The following EPHA6 variants were observed in gnomAD, a reference collection of about 807,000 sequenced individuals.
EPHA6 encodes EPH receptor A6.
EPHA6 carries 50 observed loss-of-function variants against 112.0 expected under a neutral mutation model. The observed-to-expected ratio is 0.45, with a 90% CI of 0.36 to 0.56. EPHA6 has a LOEUF of 0.56. Among genes scored for constraint, EPHA6 ranks in the 20% least tolerant of loss-of-function variants. EPHA6 has a pLI of 0.00. For synonymous variants in EPHA6, 529 were observed against 490.7 expected, an observed-to-expected ratio of 1.08 and a Z score of -1.03; for missense variants, 1,280 against 1,417.4, an observed-to-expected ratio of 0.90 and a Z score of 1.56.
Position 96,912,263 on chromosome 3 carries a change from C to A in EPHA6, c.450+45374C>A, listed in dbSNP as rs374045144. 2.6e-5 allele frequency among the ~76,000 whole-genome samples: 4 copies of A among 152,086 alleles called. No homozygotes were observed. In the East Asian group the frequency reaches 5.8e-4, roughly 22 times the overall value. ...AATGTGGTCGAATTTCAGTAGCCAA[C>A]GTAGAAAGTCCTGTCATGTTGAAGT... On this transcript the variant is annotated intron_variant, in intron 2 of 17. Coordinates refer to ENST00000389672, the MANE Select transcript of EPHA6 (RefSeq NM_001080448.3).
At chr3:97,726,983 C>T (rs1486455) in intron 15 of EPHA6, among the ~76,000 whole-genome samples, 152,037 of 152,178 alleles carry the variant, frequency 1, 75,949 homozygotes, top group East Asian at 1. Context: ...GGTTTTGTTT[C>T]GTTTTGTTTC....
intron 5 of EPHA6, among the ~76,000 whole-genome samples, chr3:97,359,106 G>A (rs1343961197): frequency 1.3e-5 from 2 of 150,814 alleles, no homozygotes; most frequent in South Asian, 4.2e-4. Flanking sequence ...ATCAAATTTG[G>A]GAGGTTTTCA....
chr3:97,409,095 C>A (rs1204873920), intron 6 of EPHA6, among the ~76,000 whole-genome samples: 3 of 152,046 alleles, frequency 2.0e-5, no homozygotes, highest in Non-Finnish European at 2.9e-5. Flanking sequence ...TGTAAAATTA[C>A]CTCTAACAAG....
chr3:97,059,906 A>C (rs753485303), intron 3 of EPHA6, among the ~76,000 whole-genome samples: 4 of 151,968 alleles, frequency 2.6e-5, no homozygotes, highest in Non-Finnish European at 5.9e-5. Context: ...GCGGATCATG[A>C]GGTCAGGAGT....
intron 7 of EPHA6, among the ~76,000 whole-genome samples, chr3:97,455,660 A>C (rs528622359): frequency 3.3e-5 from 5 of 152,144 alleles, no homozygotes; most frequent in African/African-American, 4.8e-5. Context: ...ATCTCAGTGC[A>C]TCAAGTTCAC....
intron 1 of EPHA6, among the ~76,000 whole-genome samples, chr3:96,859,983 A>G (rs1358799364): frequency 6.6e-6 from 1 of 152,158 alleles, no homozygotes; most frequent in Non-Finnish European, 1.5e-5. Context: ...GAGTTGACAC[A>G]AAAATCCTAG....
At chr3:97,466,992 T>C (rs1440123602) in intron 7 of EPHA6, among the ~76,000 whole-genome samples, 1 of 152,032 alleles carries the variant, frequency 6.6e-6, no homozygotes. Flanking sequence ...ATAATCTTCC[T>C]ACGATTTTTT....
rs1468141390 is a variant in EPHA6, at chr3:96,848,348, A to T, written c.386-18477A>T. Among the ~76,000 whole-genome samples, 3 of 152,178 alleles carry T rather than the reference A, an allele frequency of 2.0e-5. No individual in the cohort carries two copies. In the East Asian group the frequency reaches 5.8e-4, roughly 30 times the overall value. ...GTGAAAATTATTAGTTACCAAATCA[A>T]TTGTTATAAAAATATTTACTGTAAT... On this transcript the variant is annotated intron_variant, in intron 1 of 17. Coordinates refer to ENST00000389672, the MANE Select transcript of EPHA6 (RefSeq NM_001080448.3).
chr3:97,406,231 G>A (rs904830958), intron 6 of EPHA6, among the ~76,000 whole-genome samples: 4 of 152,132 alleles, frequency 2.6e-5, no homozygotes, highest in Non-Finnish European at 5.9e-5. Flanking sequence ...TATTTTGTCT[G>A]CTGTAACAGA....
At chr3:97,712,307 T>C (rs980563302) in intron 14 of EPHA6, among the ~76,000 whole-genome samples, 1 of 152,004 alleles carries the variant, frequency 6.6e-6, no homozygotes, top group Admixed American at 6.6e-5. Flanking sequence ...AGAGAGAGAA[T>C]ACCTCAAGAG....
chr3:97,290,363 G>A (rs561183781), intron 5 of EPHA6, among the ~76,000 whole-genome samples: 1 of 152,144 alleles, frequency 6.6e-6, no homozygotes, highest in African/African-American at 2.4e-5. Flanking sequence ...TAAGTATGTG[G>A]TGGATCTTGG....
At chr3:97,196,470 G>A (rs1272462432) in intron 3 of EPHA6, among the ~76,000 whole-genome samples, 2 of 151,918 alleles carry the variant, frequency 1.3e-5, no homozygotes, top group African/African-American at 4.8e-5. Context: ...CTGTCACTCT[G>A]GGGTTGATCA....
chr3:97,294,921 A>G (rs6790920), intron 5 of EPHA6, among the ~76,000 whole-genome samples: 5,197 of 152,216 alleles, frequency 0.034, 265 homozygotes, highest in African/African-American at 0.11. Flanking sequence ...CACATAGCCT[A>G]TAAGGTTTCT....
chr3:97,529,205 A>G (rs1401649360), intron 10 of EPHA6, among the ~76,000 whole-genome samples: 1 of 152,150 alleles, frequency 6.6e-6, no homozygotes, highest in African/African-American at 2.4e-5. Flanking sequence ...CTGAAACCAG[A>G]CAGCCTAGGT....
intron 11 of EPHA6, among the ~76,000 whole-genome samples, chr3:97,558,932 T>G (rs926661983): frequency 8.6e-5 from 13 of 152,028 alleles, no homozygotes; most frequent in Non-Finnish European, 1.6e-4. Flanking sequence ...ATTAAAATAG[T>G]GCTTATTGAT....
chr3:97,607,324 AC>A (rs2093687468), intron 12 of EPHA6, among the ~76,000 whole-genome samples: 1 of 151,162 alleles, frequency 6.6e-6, no homozygotes, highest in South Asian at 2.1e-4. Flanking sequence ...TAGTTTATCC[AC>A]ATCACCTTTA....
At chr3:97,257,388 C>T (rs187126792) in intron 5 of EPHA6, among the ~76,000 whole-genome samples, 9 of 151,706 alleles carry the variant, frequency 5.9e-5, no homozygotes, top group East Asian at 3.9e-4. Flanking sequence ...AAGACAAGAG[C>T]GATCAATTCT....
intron 11 of EPHA6, among the ~76,000 whole-genome samples, chr3:97,548,588 A>T (rs1350446536): frequency 6.6e-6 from 1 of 152,108 alleles, no homozygotes; most frequent in African/African-American, 2.4e-5. Flanking sequence ...ATTCTTCTCT[A>T]CAGAAGAGCT....
intron 5 of EPHA6, among the ~76,000 whole-genome samples, chr3:97,353,534 C>T (rs1191753559): frequency 1.3e-5 from 2 of 151,952 alleles, no homozygotes; most frequent in Non-Finnish European, 2.9e-5. Context: ...GAGAATCCTT[C>T]CACATAAGGA....
Sources: allele counts gnomAD v4.1 joint callset (sites outside exome capture counted in the v4.1 genomes callset), GRCh38; gene constraint gnomAD v4.1.1; transcripts MANE v1.5; gene names NCBI Gene and HGNC (gene_info 2026-07-23, HGNC 2026-07-21).